SCMH1: variants seen among roughly 807,000 people sequenced by gnomAD.
SCMH1 encodes the protein polycomb protein SCMH1.
SCMH1 carries 37 observed loss-of-function variants against 70.8 expected under a neutral mutation model. The ratio of observed to expected loss-of-function variants is 0.52; its 90% confidence interval spans 0.40 to 0.69. The LOEUF is 0.69. Among genes scored for constraint, SCMH1 ranks in the 30% least tolerant of loss-of-function variants. The pLI, the probability that SCMH1 is intolerant of heterozygous loss-of-function variation, is 0.00. For missense variants in SCMH1, 607 were observed against 827.3 expected (o/e 0.73, Z 3.27); for synonymous variants, 292 against 307.4 (o/e 0.95, Z 0.52).
chr1:41,047,214 C>T (rs116700612), intron 11 of SCMH1, among the ~76,000 whole-genome samples: 206 of 152,156 alleles, frequency 1.4e-3, no homozygotes, highest in Non-Finnish European at 2.3e-3. Context: ...AGGTCATTCT[C>T]AAGAACCAGT....
At chr1:41,242,239 GC>G (rs1457229187), upstream of SCMH1, 2 of 139,534 alleles carry the variant, frequency 1.4e-5, no homozygotes, top group Admixed American at 1.4e-4. The surrounding 1 kb of genome is among the most constrained non-coding windows in gnomAD (Gnocchi z 5.2). Flanking sequence ...CGGGGCGGGG[GC>G]TCCCCCGGCC....
At chr1:41,193,757 A>G (rs1371428200) in intron 1 of SCMH1, among the ~76,000 whole-genome samples, 1 of 152,144 alleles carries the variant, frequency 6.6e-6, no homozygotes, top group African/African-American at 2.4e-5. Context: ...AAAAGTAGAA[A>G]TGAGGCACCT....
chr1:41,081,243 T>A (rs1659924802), intron 8 of SCMH1, among the ~76,000 whole-genome samples: 1 of 152,200 alleles, frequency 6.6e-6, no homozygotes, highest in Admixed American at 6.5e-5. Context: ...AGATATCACA[T>A]GGCCATGAAG....
intron 5 of SCMH1, among the ~76,000 whole-genome samples, chr1:41,150,787 A>G (rs959324615): frequency 2.6e-5 from 4 of 151,160 alleles, no homozygotes; most frequent in Non-Finnish European, 5.9e-5. Flanking sequence ...ATACAAAAAA[A>G]TTAGCCGGGC....
chr1:41,239,842 C>T (rs1663146659), intron 1 of SCMH1, among the ~76,000 whole-genome samples: 1 of 152,072 alleles, frequency 6.6e-6, no homozygotes, highest in Non-Finnish European at 1.5e-5. Context: ...TGCTACGTAG[C>T]CCAGGCTGGT....
chr1:41,075,312 G>A (rs1657937582), exon 9 of SCMH1: 1 of 1,614,150 alleles, frequency 6.2e-7, no homozygotes, highest in Non-Finnish European at 8.5e-7. Flanking sequence ...TTAGGGTCTT[G>A]GGTGTCCGGC....
At chr1:41,083,942 G>T (rs1488704493) in intron 8 of SCMH1, among the ~76,000 whole-genome samples, 1 of 152,156 alleles carries the variant, frequency 6.6e-6, no homozygotes, top group Non-Finnish European at 1.5e-5. Flanking sequence ...GCTGAAACTG[G>T]ATCCCTTCCT....
chr1:41,075,438 C>G (rs1657986357), exon 9 of SCMH1: 1 of 1,613,944 alleles, frequency 6.2e-7, no homozygotes, highest in Non-Finnish European at 8.5e-7. Flanking sequence ...GATAGGGATT[C>G]TTTGGAATCA....
intron 2 of SCMH1, among the ~76,000 whole-genome samples, chr1:41,178,038 T>C (rs1647488990): frequency 6.6e-6 from 1 of 152,230 alleles, no homozygotes; most frequent in Non-Finnish European, 1.5e-5. Context: ...ACAGCTGTTC[T>C]CTCGGCAGAA....
At chr1:41,043,896 A>G (rs1258583297) in intron 12 of SCMH1, 2 of 152,306 alleles carry the variant, frequency 1.3e-5, no homozygotes, top group South Asian at 2.1e-4. Context: ...ATATACAGGT[A>G]TTCAACAAGT....
intron 10 of SCMH1, among the ~76,000 whole-genome samples, chr1:41,062,955 A>C (rs1203555871): frequency 1.3e-5 from 2 of 151,614 alleles, no homozygotes; most frequent in Non-Finnish European, 2.9e-5. Flanking sequence ...AATGAAAATG[A>C]AAATAAAACT....
At chr1:41,111,994 T>C (rs2147843357) in intron 8 of SCMH1, among the ~76,000 whole-genome samples, 1 of 152,334 alleles carries the variant, frequency 6.6e-6, no homozygotes, top group East Asian at 1.9e-4. Flanking sequence ...ATGCCATTTA[T>C]CTTATGTCAA....
chr1:41,044,784 A>C (rs1311675516), intron 12 of SCMH1, among the ~76,000 whole-genome samples: 1 of 152,104 alleles, frequency 6.6e-6, no homozygotes, highest in African/African-American at 2.4e-5. Context: ...TAGTGGCTGA[A>C]TCAGAGAGAT....
At chr1:41,222,653 C>A (rs143667729) in intron 1 of SCMH1, among the ~76,000 whole-genome samples, 1 of 152,142 alleles carries the variant, frequency 6.6e-6, no homozygotes, top group Non-Finnish European at 1.5e-5. Context: ...CACCCTAAAG[C>A]CTTTTTTCAC....
At chr1:41,090,990 G>C (rs1663286454) in intron 8 of SCMH1, among the ~76,000 whole-genome samples, 1 of 147,902 alleles carries the variant, frequency 6.8e-6, no homozygotes, top group Non-Finnish European at 1.5e-5. Flanking sequence ...TGTGAGCCAA[G>C]ATAGCACCAC....
intron 2 of SCMH1, 92 bp downstream of exon 2, chr1:41,186,029 A>G (rs1382299558): frequency 1.2e-5 from 17 of 1,375,032 alleles, no homozygotes; most frequent in Admixed American, 2.1e-5. Flanking sequence ...GATAACGAGT[A>G]GTCTAATTAT....
At chr1:41,084,908 A>G (rs1661150825) in intron 8 of SCMH1, among the ~76,000 whole-genome samples, 1 of 146,226 alleles carries the variant, frequency 6.8e-6, no homozygotes, top group African/African-American at 2.5e-5. Context: ...ATTCTCACTC[A>G]TAGGTGGGAA....
At chr1:41,183,830 A>G (rs1649458184) in intron 2 of SCMH1, among the ~76,000 whole-genome samples, 1 of 152,164 alleles carries the variant, frequency 6.6e-6, no homozygotes, top group Non-Finnish European at 1.5e-5. Flanking sequence ...ACAATAACTG[A>G]AAACAGATCA....
At chr1:41,071,934 G>A (rs1181232431) in intron 9 of SCMH1, among the ~76,000 whole-genome samples, 1 of 152,182 alleles carries the variant, frequency 6.6e-6, no homozygotes, top group African/African-American at 2.4e-5. Flanking sequence ...AAAGTGTTGG[G>A]ATTATAGGCA....
Sources: allele counts gnomAD v4.1 joint callset (sites outside exome capture counted in the v4.1 genomes callset), GRCh38; gene constraint gnomAD v4.1.1; non-coding constraint Gnocchi (gnomAD v3.1); transcripts MANE v1.5; gene names NCBI Gene and HGNC (gene_info 2026-07-23, HGNC 2026-07-21).